Variants in EPB41L4B observed in about 807,000 individuals in gnomAD.
EPB41L4B encodes erythrocyte membrane protein band 4.1 like 4B, also known as band 4.1-like protein 4B.
EPB41L4B carries 30 observed loss-of-function variants against 112.5 expected under a neutral mutation model. The observed-to-expected ratio is 0.27, with a 90% CI of 0.20 to 0.36. The LOEUF (loss-of-function observed/expected upper bound fraction) is 0.36. Ranked by LOEUF, EPB41L4B falls within the 10% of genes least tolerant of loss-of-function variation. The pLI is 1.00. For synonymous variants in EPB41L4B, 408 were observed against 439.7 expected, an observed-to-expected ratio of 0.93 and a Z score of 0.90; for missense variants, 1,024 against 1,133.3, an observed-to-expected ratio of 0.90 and a Z score of 1.38.
chr9:109,279,062 C>A (rs1198234344), intron 2 of EPB41L4B, among the ~76,000 whole-genome samples: 1 of 152,216 alleles, frequency 6.6e-6, no homozygotes, highest in Non-Finnish European at 1.5e-5. Flanking sequence ...CCCAACCCCA[C>A]TAAGCCTGGC....
At chr9:109,204,078 A>G (rs1343119922) in intron 18 of EPB41L4B, among the ~76,000 whole-genome samples, 1 of 152,248 alleles carries the variant, frequency 6.6e-6, no homozygotes, top group Non-Finnish European at 1.5e-5. Context: ...TGGGTCAGGA[A>G]TAATAATCAG....
At chr9:109,225,845 G>T (rs1833741777) in intron 15 of EPB41L4B, among the ~76,000 whole-genome samples, 1 of 152,208 alleles carries the variant, frequency 6.6e-6, no homozygotes, top group African/African-American at 2.4e-5. Flanking sequence ...AGAGGGCACT[G>T]CATGTGCTAA....
chr9:109,223,929 G>A (rs1454156267), intron 15 of EPB41L4B, among the ~76,000 whole-genome samples: 1 of 152,102 alleles, frequency 6.6e-6, no homozygotes, highest in Non-Finnish European at 1.5e-5. Flanking sequence ...TGAAGCACGA[G>A]AATTACTTGA....
intron 17 of EPB41L4B, among the ~76,000 whole-genome samples, chr9:109,211,250 A>T (rs1226538962): frequency 2.6e-5 from 4 of 152,070 alleles, no homozygotes; most frequent in Admixed American, 2.6e-4. Flanking sequence ...GAGAAGGGAG[A>T]TCTGTTGCAA....
chr9:109,304,263 A>T (rs1397592258), intron 1 of EPB41L4B, among the ~76,000 whole-genome samples: 2 of 152,096 alleles, frequency 1.3e-5, no homozygotes, highest in African/African-American at 4.8e-5. Flanking sequence ...AGTCCTTAAG[A>T]CTCATTCCTC....
At chr9:109,184,068 A>G (rs1246031478) in intron 23 of EPB41L4B, among the ~76,000 whole-genome samples, 4 of 152,220 alleles carry the variant, frequency 2.6e-5, no homozygotes, top group Non-Finnish European at 5.9e-5. Context: ...TTTTTGACTC[A>G]GGTGAGAGAA....
At chr9:109,293,712 A>C (rs1364904305) in intron 1 of EPB41L4B, among the ~76,000 whole-genome samples, 2 of 151,738 alleles carry the variant, frequency 1.3e-5, no homozygotes, top group African/African-American at 2.4e-5. Context: ...AAAAAAAAAA[A>C]AAAAAAAACA....
At chr9:109,316,025 A>G (rs1288478139) in intron 1 of EPB41L4B, among the ~76,000 whole-genome samples, 1 of 152,274 alleles carries the variant, frequency 6.6e-6, no homozygotes, top group South Asian at 2.1e-4. Flanking sequence ...ACAACCTACT[A>G]GCAACCTTTC....
chr9:109,306,737 A>G (rs1195277149), intron 1 of EPB41L4B, among the ~76,000 whole-genome samples: 1 of 152,254 alleles, frequency 6.6e-6, no homozygotes, highest in Non-Finnish European at 1.5e-5. Context: ...AAAACTCCCC[A>G]GAAGATTCTA....
chr9:109,318,335 C>T (rs903318947), intron 1 of EPB41L4B, among the ~76,000 whole-genome samples: 2 of 152,114 alleles, frequency 1.3e-5, no homozygotes, highest in African/African-American at 2.4e-5. Flanking sequence ...ATCCCCTTCC[C>T]CCACCAGGCT....
intron 1 of EPB41L4B, among the ~76,000 whole-genome samples, chr9:109,314,643 C>G (rs898999058): frequency 2.0e-5 from 3 of 151,362 alleles, no homozygotes; most frequent in South Asian, 2.1e-4. Context: ...CACCCCCCCC[C>G]ACCTCAGCCT....
intron 1 of EPB41L4B, among the ~76,000 whole-genome samples, chr9:109,281,680 T>G (rs574682422): frequency 6.9e-6 from 1 of 144,232 alleles, no homozygotes; most frequent in East Asian, 2.0e-4. Flanking sequence ...CGAGACTCCG[T>G]CTCATAAATA....
intron 15 of EPB41L4B, among the ~76,000 whole-genome samples, chr9:109,226,765 T>TG (rs1433494217): frequency 3.5e-5 from 5 of 143,396 alleles, no homozygotes; most frequent in Admixed American, 1.4e-4. Context: ...AATATATATA[T>TG]ATGAATATAT....
At chr9:109,221,909 C>T (rs1027413036) in intron 15 of EPB41L4B, among the ~76,000 whole-genome samples, 2 of 152,180 alleles carry the variant, frequency 1.3e-5, no homozygotes, top group African/African-American at 4.8e-5. Flanking sequence ...GATTTGCACT[C>T]TCTGCTTGGA....
intron 6 of EPB41L4B, among the ~76,000 whole-genome samples, chr9:109,258,755 CA>C (rs1157279680): frequency 5.3e-5 from 8 of 152,038 alleles, no homozygotes; most frequent in African/African-American, 1.7e-4. Flanking sequence ...ATGCAGCATC[CA>C]GGGGGAAAGT....
rs145472981 is a variant in EPB41L4B at position 109,239,150 on chromosome 9, C to T, written c.1409+4468G>A. On this transcript the variant is annotated intron_variant, in intron 15 of 25. Coordinates refer to ENST00000374566, the MANE Select transcript of EPB41L4B (RefSeq NM_019114.5). Reference sequence around the variant, plus strand: ...ACCTCTGAGCCAGAGAAAAGATGCTCCTATGGGATCCATGCCAGTAAGAAG... The same window carrying T: ...ACCTCTGAGCCAGAGAAAAGATGCTTCTATGGGATCCATGCCAGTAAGAAG... 7.2e-5 allele frequency among the ~76,000 whole-genome samples: 11 copies of T among 152,226 alleles called. No homozygotes were observed. The East Asian group carries it at 2.1e-3, about 29-fold the overall frequency.
At chr9:109,306,182 G>A (rs1837183849) in intron 1 of EPB41L4B, among the ~76,000 whole-genome samples, 1 of 152,192 alleles carries the variant, frequency 6.6e-6, no homozygotes, top group African/African-American at 2.4e-5. Flanking sequence ...TCGAGTAAAT[G>A]CTATAAGGAT....
chr9:109,222,821 C>A (rs966103937), intron 15 of EPB41L4B, among the ~76,000 whole-genome samples: 1 of 152,206 alleles, frequency 6.6e-6, no homozygotes, highest in Non-Finnish European at 1.5e-5. Flanking sequence ...TGCAAGGAAG[C>A]TGCTGGTGCC....
intron 13 of EPB41L4B, among the ~76,000 whole-genome samples, chr9:109,248,456 C>T (rs1171153952): frequency 2.6e-5 from 4 of 152,196 alleles, no homozygotes; most frequent in African/African-American, 9.7e-5. Context: ...AGTTGGGAAA[C>T]CTGCTCAGGG....
Sources: allele counts gnomAD v4.1 joint callset (sites outside exome capture counted in the v4.1 genomes callset), GRCh38; gene constraint gnomAD v4.1.1; transcripts MANE v1.5; gene names NCBI Gene and HGNC (gene_info 2026-07-23, HGNC 2026-07-21).